The following TBCK variants were observed in gnomAD, a reference collection of about 807,000 sequenced individuals.
TBCK encodes TBC1 domain containing kinase.
In TBCK, 99 loss-of-function variants were observed where a neutral mutation model predicts 113.4. That is an observed-to-expected ratio of 0.87 (90% CI 0.74 to 1.03). TBCK has a LOEUF of 1.03. Ranked by LOEUF, TBCK falls within the 50% of genes least tolerant of loss-of-function variation. The pLI is 0.00. For synonymous variants in TBCK, 369 were observed against 370.8 expected, an observed-to-expected ratio of 1.00 and a Z score of 0.05; for missense variants, 1,045 against 1,061.3, an observed-to-expected ratio of 0.98 and a Z score of 0.21.
intron 25 of TBCK, among the ~76,000 whole-genome samples, chr4:106,075,880 C>G (rs1738133911): frequency 6.6e-6 from 1 of 152,200 alleles, no homozygotes. Context: ...CTTGCTTTCA[C>G]ACACTGGGAG....
At chr4:106,257,139 T>C (rs1009698617) in intron 5 of TBCK, among the ~76,000 whole-genome samples, 1 of 152,122 alleles carries the variant, frequency 6.6e-6, no homozygotes, top group African/African-American at 2.4e-5. Context: ...ATAGGAGCAA[T>C]TGCTAAATTT....
At chr4:106,313,011 T>C (rs989034762) in intron 1 of TBCK, among the ~76,000 whole-genome samples, 1 of 152,204 alleles carries the variant, frequency 6.6e-6, no homozygotes, top group African/African-American at 2.4e-5. Flanking sequence ...AGTGGTTTTA[T>C]GGATGAGTAC....
At chr4:106,182,207 C>T (rs1195424105) in intron 22 of TBCK, 1 of 152,108 alleles carries the variant, frequency 6.6e-6, no homozygotes, top group Non-Finnish European at 1.5e-5. Context: ...GTGATTTTTG[C>T]ACATTGATTT....
chr4:106,092,519 T>A (rs1308623682), intron 25 of TBCK, among the ~76,000 whole-genome samples: 1 of 152,146 alleles, frequency 6.6e-6, no homozygotes, highest in African/African-American at 2.4e-5. Context: ...TCAGGCATGG[T>A]GGGCTGCAGG....
chr4:106,070,419 T>C (rs1024088422), intron 25 of TBCK, among the ~76,000 whole-genome samples: 3 of 152,204 alleles, frequency 2.0e-5, no homozygotes, highest in Admixed American at 1.3e-4. Flanking sequence ...TTGTCTTTGG[T>C]TCTATTTATG....
intron 23 of TBCK, among the ~76,000 whole-genome samples, chr4:106,154,459 T>C (rs1362725817): frequency 3.9e-5 from 6 of 152,214 alleles, no homozygotes; most frequent in Non-Finnish European, 8.8e-5. Context: ...GATTTGGACA[T>C]GTCTCTCCAC....
At chr4:106,241,585 C>G (rs1270954012) in intron 12 of TBCK, among the ~76,000 whole-genome samples, 1 of 151,690 alleles carries the variant, frequency 6.6e-6, no homozygotes, top group African/African-American at 2.4e-5. Context: ...AGAAACATAT[C>G]CATATACATA....
chr4:106,266,681 T>C (rs769512482), intron 3 of TBCK, among the ~76,000 whole-genome samples: 1 of 151,912 alleles, frequency 6.6e-6, no homozygotes, highest in Non-Finnish European at 1.5e-5. Flanking sequence ...TCAATTACAA[T>C]CTGATTTGCT....
intron 25 of TBCK, among the ~76,000 whole-genome samples, chr4:106,055,986 C>A (rs566903316): frequency 6.6e-6 from 1 of 150,516 alleles, no homozygotes; most frequent in Admixed American, 6.7e-5. Flanking sequence ...AAATGAAGCC[C>A]TACACCTTTT....
At chr4:106,273,473 G>T (rs1346750389) in intron 3 of TBCK, among the ~76,000 whole-genome samples, 1 of 152,124 alleles carries the variant, frequency 6.6e-6, no homozygotes, top group Non-Finnish European at 1.5e-5. Context: ...TTGCTGGTTA[G>T]CTTGTCTGAA....
At chr4:106,288,970 C>T (rs1765398250) in intron 3 of TBCK, among the ~76,000 whole-genome samples, 1 of 152,196 alleles carries the variant, frequency 6.6e-6, no homozygotes, top group Non-Finnish European at 1.5e-5. Context: ...GTCCCATCTA[C>T]AACATAGCTC....
At chr4:106,231,085 G>A (rs1198834492) in intron 18 of TBCK, among the ~76,000 whole-genome samples, 1 of 151,650 alleles carries the variant, frequency 6.6e-6, no homozygotes, top group African/African-American at 2.4e-5. Flanking sequence ...TGAAAATAGG[G>A]AGATCTTCAG....
chr4:106,098,288 ACAGT>A (rs1358594195), intron 24 of TBCK, among the ~76,000 whole-genome samples: 2 of 152,110 alleles, frequency 1.3e-5, no homozygotes, highest in African/African-American at 4.8e-5. Flanking sequence ...GTAATACTCA[ACAGT>A]CAGTCACTAT....
At chr4:106,294,561 A>G (rs1053987433) in intron 3 of TBCK, among the ~76,000 whole-genome samples, 2 of 151,464 alleles carry the variant, frequency 1.3e-5, no homozygotes, top group Non-Finnish European at 2.9e-5. Context: ...GGCTCACCGT[A>G]AGCTCCGCCT....
chr4:106,068,559 T>C (rs1331556965), intron 25 of TBCK, among the ~76,000 whole-genome samples: 5 of 152,192 alleles, frequency 3.3e-5, no homozygotes, highest in African/African-American at 1.2e-4. Flanking sequence ...TGATGGATAT[T>C]TGGGTTGGTT....
At chr4:106,263,129 A>G (rs1047567092) in intron 3 of TBCK, among the ~76,000 whole-genome samples, 8 of 151,926 alleles carry the variant, frequency 5.3e-5, no homozygotes, top group African/African-American at 1.9e-4. Context: ...AAAATTGTTC[A>G]CATAGGAAAT....
chr4:106,179,885 GTTAA>G (rs1239456963), intron 22 of TBCK, among the ~76,000 whole-genome samples: 2 of 151,720 alleles, frequency 1.3e-5, no homozygotes, highest in Admixed American at 6.6e-5. Context: ...CTCTCTTTAG[GTTAA>G]TTAATATTTG....
At chr4:106,058,257 A>G (rs1252616973) in intron 25 of TBCK, among the ~76,000 whole-genome samples, 4 of 151,720 alleles carry the variant, frequency 2.6e-5, no homozygotes. Context: ...ATGGTTGTTC[A>G]AATTGTGCCT....
intron 25 of TBCK, among the ~76,000 whole-genome samples, chr4:106,057,878 A>G (rs1403183096): frequency 6.6e-6 from 1 of 151,774 alleles, no homozygotes; most frequent in Non-Finnish European, 1.5e-5. Context: ...GTTTTATGAG[A>G]GCAAGGGACT....
Sources: allele counts gnomAD v4.1 joint callset (sites outside exome capture counted in the v4.1 genomes callset), GRCh38; gene constraint gnomAD v4.1.1; transcripts MANE v1.5; gene names NCBI Gene and HGNC (gene_info 2026-07-23, HGNC 2026-07-21).